Variants in ANO4 observed in about 807,000 individuals in gnomAD.
The protein encoded by ANO4 is anoctamin 4.
A neutral mutation model predicts 141.9 loss-of-function variants in ANO4; 69 were observed. The ratio of observed to expected loss-of-function variants is 0.49; its 90% CI spans 0.40 to 0.59. The LOEUF is 0.59. Ranked by LOEUF, ANO4 falls within the 20% of genes least tolerant of loss-of-function variation. The pLI is 0.00. For synonymous variants in ANO4, 350 were observed against 394.3 expected (o/e 0.89, Z 1.33); for missense variants, 894 against 1,162.2 (o/e 0.77, Z 3.36).
chr12:101,048,346 C>T lies in ANO4; in HGVS notation c.1257C>T (p.Thr419=). 6.2e-7 allele frequency: 1 copy of T among 1,613,564 alleles called. No individual in the cohort carries two copies. Among genetic ancestry groups the T allele is most frequent in the Non-Finnish European group, 8.5e-7 (1 of 1,179,690 alleles). Reference sequence around the variant, plus strand: ...CCGATTCTTATTATTCACAGGTAACCCACCTTTTTGACAATGGAGCCACTG... The same window carrying T: ...CCGATTCTTATTATTCACAGGTAACTCACCTTTTTGACAATGGAGCCACTG... The part of the protein sequence containing the change: ...LSDSCVYAKV[T]HLFDNGATVF... The change falls in exon 14 of 28, where the codon ACC becomes ACT. Residue 419 remains threonine (T), a synonymous_variant. Coordinates refer to ENST00000392977, the MANE Select transcript of ANO4 (RefSeq NM_001286615.2).
intron 8 of ANO4, among the ~76,000 whole-genome samples, chr12:101,017,808 T>C (rs908172843): frequency 3.9e-5 from 6 of 152,220 alleles, no homozygotes; most frequent in Admixed American, 3.9e-4. Flanking sequence ...AGGGATTGAA[T>C]AAGTTCATGT....
intron 14 of ANO4, among the ~76,000 whole-genome samples, chr12:101,063,837 T>TA (rs1196482518): frequency 6.7e-6 from 1 of 149,490 alleles, no homozygotes; most frequent in East Asian, 2.0e-4. Context: ...AATATTCTCT[T>TA]ATCTTCTTTC....
rs1487271603 is a variant in ANO4 at position 101,111,564 on chromosome 12, A to G, written c.2304A>G (p.Gly768=). ...AACACAACACTTCTATTTGAATAGG[A>G]ATTTGGTATGGAATTCTTGAAGGCA... The part of the protein sequence containing the change: ...RPLASRAKDI[G]IWYGILEGIG... The change falls in exon 24 of 28, where the codon GGA becomes GGG. Residue 768 remains glycine (G), a splice_region_variant and synonymous_variant. Transcript: ENST00000392977. The G allele has an allele frequency of 6.2e-7, 1 of 1,600,370 alleles. No homozygotes were observed. Among genetic ancestry groups the G allele is most frequent in the African/African-American group, 1.3e-5 (1 of 74,280 alleles).
intron 1 of ANO4, among the ~76,000 whole-genome samples, chr12:100,850,931 T>G (rs539130862): frequency 6.6e-6 from 1 of 152,318 alleles, no homozygotes; most frequent in Admixed American, 6.5e-5. Context: ...GAGATATTAA[T>G]ATTCTATATT....
intron 1 of ANO4, among the ~76,000 whole-genome samples, chr12:100,880,524 C>T (rs993657231): frequency 3.3e-5 from 5 of 152,134 alleles, no homozygotes; most frequent in Non-Finnish European, 4.4e-5. Flanking sequence ...TATATTACAA[C>T]GCAGAAAATA....
At chr12:100,921,941 C>A (rs145185150) in intron 2 of ANO4, among the ~76,000 whole-genome samples, 1 of 151,862 alleles carries the variant, frequency 6.6e-6, no homozygotes, top group Admixed American at 6.6e-5. Context: ...ATATTTTTTA[C>A]GTAGGGAATT....
intron 1 of ANO4, among the ~76,000 whole-genome samples, chr12:100,856,273 T>C (rs2038166586): frequency 1.3e-5 from 2 of 152,220 alleles, no homozygotes; most frequent in African/African-American, 4.8e-5. Context: ...TGTAGATTCA[T>C]GGTAGCCTGT....
chr12:100,747,547 C>G (rs978312995), intron 3 of ANO4, among the ~76,000 whole-genome samples: 1 of 152,180 alleles, frequency 6.6e-6, no homozygotes. Context: ...ACCATCTTCC[C>G]TTTAGTGGTC....
chr12:101,060,491 C>T (rs1273784250), intron 14 of ANO4, among the ~76,000 whole-genome samples: 1 of 152,102 alleles, frequency 6.6e-6, no homozygotes, highest in African/African-American at 2.4e-5. Flanking sequence ...ATTAAATCTC[C>T]CATTATTATT....
At chr12:100,747,231 T>C (rs2032150953) in intron 3 of ANO4, among the ~76,000 whole-genome samples, 1 of 152,294 alleles carries the variant, frequency 6.6e-6, no homozygotes, top group African/African-American at 2.4e-5. Context: ...TCATTGATAA[T>C]GGGTTCATGG....
chr12:101,114,021 T>C (rs2050759616), intron 24 of ANO4, among the ~76,000 whole-genome samples: 1 of 152,198 alleles, frequency 6.6e-6, no homozygotes, highest in Non-Finnish European at 1.5e-5. Flanking sequence ...TCTTGGTACT[T>C]CTCAATTCTC....
chr12:100,933,801 C>T (rs893702303), intron 3 of ANO4, among the ~76,000 whole-genome samples: 3 of 152,072 alleles, frequency 2.0e-5, no homozygotes, highest in Non-Finnish European at 2.9e-5. Context: ...TTCTAACTGG[C>T]GTGAGATGGT....
chr12:100,873,393 GGTC>G (rs2039130162), intron 1 of ANO4, among the ~76,000 whole-genome samples: 1 of 152,150 alleles, frequency 6.6e-6, no homozygotes, highest in Non-Finnish European at 1.5e-5. Flanking sequence ...ATAGCAATAT[GGTC>G]AATGAGGTCC....
At chr12:100,862,324 C>T (rs968310457) in intron 1 of ANO4, among the ~76,000 whole-genome samples, 3 of 151,944 alleles carry the variant, frequency 2.0e-5, no homozygotes, top group African/African-American at 7.3e-5. Context: ...TTTTTATTAT[C>T]CTTATTATTA....
chr12:100,905,825 A>G (rs1222520106), intron 2 of ANO4, among the ~76,000 whole-genome samples: 2 of 152,198 alleles, frequency 1.3e-5, no homozygotes, highest in Non-Finnish European at 2.9e-5. Context: ...GATGAGAGCT[A>G]TGCACAATAG....
At chr12:101,020,736 A>G (rs2046491411) in intron 9 of ANO4, among the ~76,000 whole-genome samples, 1 of 152,190 alleles carries the variant, frequency 6.6e-6, no homozygotes, top group Non-Finnish European at 1.5e-5. Flanking sequence ...CCTCCATTAA[A>G]TAGCCTCTAC....
intron 1 of ANO4, among the ~76,000 whole-genome samples, chr12:100,840,301 G>A (rs2037172850): frequency 6.6e-6 from 1 of 152,126 alleles, no homozygotes; most frequent in African/African-American, 2.4e-5. Flanking sequence ...GTTCTTGTAA[G>A]TGTTGAAAGT....
intron 1 of ANO4, among the ~76,000 whole-genome samples, chr12:100,894,496 G>A (rs1313349884): frequency 6.6e-6 from 1 of 151,928 alleles, no homozygotes; most frequent in Non-Finnish European, 1.5e-5. Flanking sequence ...TGTTTTCTGT[G>A]GGTCCACCTG....
intron 5 of ANO4, among the ~76,000 whole-genome samples, chr12:100,970,796 G>A (rs2043899594): frequency 6.6e-6 from 1 of 151,132 alleles, no homozygotes; most frequent in Non-Finnish European, 1.5e-5. Context: ...TCAGCTCACT[G>A]CAACCTCCAC....
Sources: allele counts gnomAD v4.1 joint callset (sites outside exome capture counted in the v4.1 genomes callset), GRCh38; gene constraint gnomAD v4.1.1; transcripts MANE v1.5; gene names NCBI Gene and HGNC (gene_info 2026-07-23, HGNC 2026-07-21).